PRICKLE1: variants seen among roughly 807,000 people sequenced by gnomAD.
PRICKLE1 encodes the protein prickle planar cell polarity protein 1.
A neutral mutation model predicts 70.2 loss-of-function variants in PRICKLE1; 14 were observed. The observed-to-expected ratio is 0.20, with a 90% confidence interval of 0.13 to 0.31. The LOEUF is 0.31. Ranked by LOEUF, PRICKLE1 falls within the 10% of genes least tolerant of loss-of-function variation. PRICKLE1 has a pLI of 1.00. For synonymous variants in PRICKLE1, 357 were observed against 379.9 expected (o/e 0.94, Z 0.70); for missense variants, 821 against 1,026.2 (o/e 0.80, Z 2.73).
chr12:42,544,895 G>C (rs972367023), intron 1 of PRICKLE1, among the ~76,000 whole-genome samples: 1 of 152,044 alleles, frequency 6.6e-6, no homozygotes, highest in Non-Finnish European at 1.5e-5. Context: ...AGTCTGGTCT[G>C]ACCTCCTGTT....
intron 1 of PRICKLE1, among the ~76,000 whole-genome samples, chr12:42,575,629 G>A (rs1311018326): frequency 6.6e-6 from 1 of 152,046 alleles, no homozygotes; most frequent in African/African-American, 2.4e-5. Flanking sequence ...GGGAGGTGGA[G>A]GTTGCAGTGA....
At chr12:42,501,823 G>T (rs550758707) in intron 1 of PRICKLE1, among the ~76,000 whole-genome samples, 1 of 152,274 alleles carries the variant, frequency 6.6e-6, no homozygotes, top group East Asian at 1.9e-4. Flanking sequence ...TTATGATGCT[G>T]ATGCTATATA....
intron 1 of PRICKLE1, among the ~76,000 whole-genome samples, chr12:42,536,847 T>A (rs117767264): frequency 6.6e-6 from 1 of 152,284 alleles, no homozygotes; most frequent in Non-Finnish European, 1.5e-5. Context: ...TAGTTTTTGC[T>A]CCATTTGCTA....
intron 1 of PRICKLE1, among the ~76,000 whole-genome samples, chr12:42,568,010 A>G (rs1449341140): frequency 6.6e-6 from 1 of 152,124 alleles, no homozygotes; most frequent in Non-Finnish European, 1.5e-5. Flanking sequence ...ATAAATGTTC[A>G]TTGTGAATGG....
intron 1 of PRICKLE1, among the ~76,000 whole-genome samples, chr12:42,524,140 G>A (rs529671873): frequency 6.6e-6 from 1 of 152,318 alleles, no homozygotes; most frequent in South Asian, 2.1e-4. Context: ...ACATGTACAA[G>A]CCAGCAGCTC....
intron 1 of PRICKLE1, among the ~76,000 whole-genome samples, chr12:42,486,345 A>G (rs1938990385): frequency 1.3e-5 from 2 of 152,188 alleles, no homozygotes; most frequent in South Asian, 4.1e-4. Context: ...TATTCTCAGC[A>G]CCTAGAATGA....
In PRICKLE1 at chr12:42,468,827, A is replaced by G; in HGVS notation, c.387T>C (p.Cys129=). 1 of 1,613,964 alleles carries G rather than the reference A, an allele frequency of 6.2e-7. No homozygotes were observed. The highest frequency in any genetic ancestry group is 8.5e-7 in the Non-Finnish European group (1 of 1,179,876). The change falls in exon 5 of 8, where the codon TGT becomes TGC. Residue 129 remains cysteine (C), a splice_region_variant and synonymous_variant. Transcript: ENST00000345127. The part of the protein sequence containing the change: ...RAVMHAVCEQ[C]GLKINGGEVA... ...CTTCACCTCCATTTATCTTCAAACC[A>G]CACTACAAACAAATGGGTTTGAATG...
At chr12:42,533,918 C>T (rs552555300) in intron 1 of PRICKLE1, among the ~76,000 whole-genome samples, 2 of 152,252 alleles carry the variant, frequency 1.3e-5, no homozygotes, top group African/African-American at 4.8e-5. Flanking sequence ...AACATTTTCT[C>T]TCAATATTCC....
At chr12:42,490,688 T>G (rs974940248) in intron 1 of PRICKLE1, among the ~76,000 whole-genome samples, 22 of 151,844 alleles carry the variant, frequency 1.4e-4, no homozygotes, top group African/African-American at 5.1e-4. Context: ...GTAGGGGCAG[T>G]GGAAGGGGTG....
intron 1 of PRICKLE1, among the ~76,000 whole-genome samples, chr12:42,522,440 A>G (rs1228449126): frequency 6.6e-6 from 1 of 152,198 alleles, no homozygotes; most frequent in Non-Finnish European, 1.5e-5. Context: ...ATGCTTATAC[A>G]ACTAGAATGA....
chr12:42,485,232 C>A (rs1031051571), intron 1 of PRICKLE1: 1 of 135,122 alleles, frequency 7.4e-6, no homozygotes, highest in African/African-American at 2.7e-5. Context: ...AGTAAGGCAG[C>A]TGAGAAGTTT....
chr12:42,569,980 G>A (rs753129206), intron 1 of PRICKLE1, among the ~76,000 whole-genome samples: 5 of 152,216 alleles, frequency 3.3e-5, no homozygotes, highest in Non-Finnish European at 5.9e-5. Flanking sequence ...GAATCAATTC[G>A]AAATCAATGT....
chr12:42,533,333 A>G (rs1455831008), intron 1 of PRICKLE1, among the ~76,000 whole-genome samples: 3 of 152,042 alleles, frequency 2.0e-5, no homozygotes, highest in African/African-American at 7.2e-5. Context: ...ATGATGACTT[A>G]AACATTCAAC....
Position 42,459,923 on chromosome 12 carries a change from A to G in PRICKLE1, c.2382T>C (p.Tyr794=), listed in dbSNP as rs538043977. The change falls in exon 8 of 8, where the codon TAT becomes TAC. Residue 794 remains tyrosine (Y), a synonymous_variant. Coordinates refer to ENST00000345127, the MANE Select transcript of PRICKLE1 (RefSeq NM_153026.3). ...ATGGTGGACTAGAAAGGTCATCTGT[A>G]TAGTAGGCAAATCTCTGTGGCCGGG... ...PQPRPQRFAY[Y]TDDLSSPPSA... 4.3e-6 allele frequency: 7 copies of G among 1,614,136 alleles called. No homozygotes were observed. Among genetic ancestry groups the G allele is most frequent in the African/African-American group, 1.3e-5 (1 of 75,032 alleles).
chr12:42,477,524 A>G (rs1480954672), intron 1 of PRICKLE1, among the ~76,000 whole-genome samples: 4,227 of 74,464 alleles, frequency 0.057, 313 homozygotes, highest in African/African-American at 0.2. Flanking sequence ...ATATATATAT[A>G]TATATATATG....
chr12:42,563,016 C>G (rs535337075), intron 1 of PRICKLE1, among the ~76,000 whole-genome samples: 1 of 151,020 alleles, frequency 6.6e-6, no homozygotes, highest in African/African-American at 2.4e-5. Flanking sequence ...AACCCTGTCT[C>G]TACTAAAAAT....
In PRICKLE1 at chr12:42,460,289, GTGA is replaced by G. The variant is rs2140086719; in HGVS notation, c.2013_2015del (p.His673del). The G allele has an allele frequency of 1.2e-6, 2 of 1,614,132 alleles. No homozygotes were observed. The highest frequency in any genetic ancestry group is 4.5e-5 in the East Asian group (2 of 44,884). On this transcript the variant is annotated inframe_deletion, in exon 8 of 8. Transcript: ENST00000345127. ...ACTTTCTACTTCTCCGGCGGCGGTG[GTGA>G]TGAGACCTGGATCCCCTCTCTTCAA... is the stretch of plus-strand genomic sequence containing the variant.
intron 1 of PRICKLE1, among the ~76,000 whole-genome samples, chr12:42,579,904 T>A (rs1816688892): frequency 2.0e-5 from 3 of 152,072 alleles, no homozygotes; most frequent in Admixed American, 2.0e-4. Flanking sequence ...TAGGTTTTGC[T>A]CTTACCACCC....
chr12:42,479,044 A>C (rs959299702), intron 1 of PRICKLE1, among the ~76,000 whole-genome samples: 1 of 152,226 alleles, frequency 6.6e-6, no homozygotes, highest in Non-Finnish European at 1.5e-5. Context: ...TTGAGACCTG[A>C]TTTTAAAAAA....
Sources: allele counts gnomAD v4.1 joint callset (sites outside exome capture counted in the v4.1 genomes callset), GRCh38; gene constraint gnomAD v4.1.1; transcripts MANE v1.5; gene names NCBI Gene and HGNC (gene_info 2026-07-23, HGNC 2026-07-21).